Variants in EPRS1 observed in about 807,000 individuals in gnomAD.
EPRS1 encodes the protein bifunctional glutamate/proline--tRNA ligase.
A neutral mutation model predicts 188.3 loss-of-function variants in EPRS1; 107 were observed. The ratio of observed to expected loss-of-function variants is 0.57; its 90% CI spans 0.49 to 0.67. The LOEUF (loss-of-function observed/expected upper bound fraction) is 0.67. EPRS1 is among the 30% of genes least tolerant of loss of function. EPRS1 has a pLI of 0.00. For missense variants in EPRS1, 1,577 were observed against 1,802.2 expected (o/e 0.88, Z 2.26); for synonymous variants, 596 against 593.1 (o/e 1.00, Z -0.07).
At chr1:220,006,849 G>C (rs961148514) in intron 14 of EPRS1, among the ~76,000 whole-genome samples, 9 of 152,120 alleles carry the variant, frequency 5.9e-5, no homozygotes, top group Non-Finnish European at 1.0e-4. Flanking sequence ...GTAAATTTTA[G>C]TAAAAAGATT....
rs1326853328 is a variant in EPRS1, at chr1:219,982,863, T to C, written c.3301-19A>G. ...AAGCAACCTAGTAAGAAAAAATCAT[T>C]TTTCATACTTTTTTTTCAATAGCAT... On this transcript the variant is annotated intron_variant, in intron 22 of 31. Transcript: ENST00000366923. The C allele has an allele frequency of 2.5e-6, 4 of 1,609,910 alleles. No individual in the cohort carries two copies. The highest frequency in any genetic ancestry group is 3.4e-6 in the Non-Finnish European group (4 of 1,176,248).
chr1:220,039,278 A>G (rs189396981), intron 2 of EPRS1, among the ~76,000 whole-genome samples: 30 of 152,100 alleles, frequency 2.0e-4, no homozygotes, highest in African/African-American at 7.0e-4. Flanking sequence ...TAAACCAGTC[A>G]CTCATTTCTG....
intron 6 of EPRS1, among the ~76,000 whole-genome samples, chr1:220,027,753 C>T (rs1378423847): frequency 6.6e-6 from 1 of 152,070 alleles, no homozygotes; most frequent in Non-Finnish European, 1.5e-5. Flanking sequence ...GAGGCCAAGG[C>T]AGGCGGATCA....
intron 26 of EPRS1, 149 bp downstream of exon 26, chr1:219,979,936 T>C: frequency 1.4e-6 from 1 of 713,524 alleles, no homozygotes; most frequent in Non-Finnish European, 2.3e-6. Flanking sequence ...GACAGAGGAA[T>C]GGGATAGATT....
chr1:219,984,079 C>T, intron 21 of EPRS1, 127 bp downstream of exon 21: 1 of 680,800 alleles, frequency 1.5e-6, no homozygotes, highest in Non-Finnish European at 2.7e-6. Context: ...AATGACTACA[C>T]TGTGTATTAT....
intron 12 of EPRS1, among the ~76,000 whole-genome samples, chr1:220,012,456 C>T (rs543717514): frequency 1.3e-5 from 2 of 152,306 alleles, no homozygotes; most frequent in South Asian, 2.1e-4. Context: ...CTATACTTGA[C>T]TAATTTTAAT....
intron 1 of EPRS1, among the ~76,000 whole-genome samples, chr1:220,044,390 A>G (rs1662358913): frequency 6.6e-6 from 1 of 152,178 alleles, no homozygotes; most frequent in South Asian, 2.1e-4. Context: ...AATACACTAC[A>G]GAAACAGGCC....
chr1:220,036,056 C>T (rs757237470), intron 2 of EPRS1, among the ~76,000 whole-genome samples: 2 of 151,974 alleles, frequency 1.3e-5, no homozygotes, highest in Non-Finnish European at 2.9e-5. Context: ...AAAAATTAGC[C>T]GGGTGTGGTG....
chr1:219,980,723 A>G (rs1465290564), intron 25 of EPRS1, 33 bp downstream of exon 25: 5 of 1,456,330 alleles, frequency 3.4e-6, no homozygotes, highest in Non-Finnish European at 4.8e-6. Flanking sequence ...AAAATAATGG[A>G]ACATAGTTAA....
chr1:220,042,487 A>C (rs113943713), intron 1 of EPRS1, among the ~76,000 whole-genome samples: 87 of 141,568 alleles, frequency 6.1e-4, no homozygotes, highest in Non-Finnish European at 6.5e-4. Flanking sequence ...CCCATCTCCC[A>C]AAAAAAAAAA....
Position 219,979,623 on chromosome 1 carries a change from A to ATTTT in EPRS1, c.3712-9_3712-8insAAAA, listed in dbSNP as rs1439090195. The stretch of plus-strand genomic sequence containing the variant: ...ATGATGTGATGTTCCTCCCTAAAAT[A>ATTTT]GAGAGAGAAAAATAAGCTTCATTTT... On this transcript the variant is annotated splice_polypyrimidine_tract_variant and intron_variant, in intron 26 of 31. Transcript: ENST00000366923. The ATTTT allele has an allele frequency of 6.3e-7, 1 of 1,590,990 alleles. No homozygotes were observed. The highest frequency in any genetic ancestry group is 1.7e-5 in the Admixed American group (1 of 59,642).
chr1:220,007,324 G>C lies in EPRS1; in HGVS notation c.1620C>G (p.Gly540=), dbSNP rs1028997084. Residue 540 remains glycine, a synonymous_variant, in exon 14 of 32, where the codon GGC becomes GGG. Transcript: ENST00000366923. The stretch of plus-strand genomic sequence containing the variant: ...TGGGACTATACCACACAGGCTTCAA[G>C]CCAACCTCAGGATTCTGATTGATAA... The part of the protein sequence containing the change: ...VAKHPKNPEV[G]LKPVWYSPKV... 3 of 1,610,074 alleles carry C rather than the reference G, an allele frequency of 1.9e-6. No homozygotes were observed. The African/African-American group carries it at 4.0e-5, about 22-fold the overall frequency.
At chr1:220,008,132 A>C (rs903863253) in intron 13 of EPRS1, among the ~76,000 whole-genome samples, 4 of 126,078 alleles carry the variant, frequency 3.2e-5, no homozygotes, top group Non-Finnish European at 6.8e-5. Context: ...AAAAAAAAAA[A>C]AAAGATAAAA....
intron 23 of EPRS1, among the ~76,000 whole-genome samples, chr1:219,982,317 C>T (rs1385339511): frequency 6.6e-6 from 1 of 152,148 alleles, no homozygotes; most frequent in Non-Finnish European, 1.5e-5. Context: ...GTAACTTTCC[C>T]TGCCTTCCTC....
chr1:220,030,518 T>C lies in EPRS1; in HGVS notation c.529-38A>G, dbSNP rs773701358. 4.1e-6 allele frequency: 6 copies of C among 1,469,724 alleles called. No individual in the cohort carries two copies. In the East Asian group the frequency reaches 6.8e-5, roughly 17 times the overall value. The allele number at this position is 1,469,724 out of a possible 1,614,324, so 91.0% of individuals were successfully genotyped here. A position where few individuals can be genotyped will look rare whatever the true frequency, so the allele number is the denominator to read the frequency against. ...ACCACCATCACAACAAAAAGTCTTA[T>C]GGTTAAATGTCTAAGAACACACTCA... On this transcript the variant is annotated intron_variant, in intron 5 of 31. Coordinates refer to ENST00000366923, the MANE Select transcript of EPRS1 (RefSeq NM_004446.3).
At chr1:220,032,256 T>G (rs1571696005) in intron 5 of EPRS1, 131 bp downstream of exon 5, 2 of 524,886 alleles carry the variant, frequency 3.8e-6, no homozygotes, top group Non-Finnish European at 5.6e-6. Context: ...TTTTTTTTTT[T>G]TGTATATTTT....
At chr1:220,030,288 T>A in intron 6 of EPRS1, 98 bp downstream of exon 6, 1 of 731,596 alleles carries the variant, frequency 1.4e-6, no homozygotes, top group East Asian at 2.8e-5. Context: ...TATGTTCTTC[T>A]ATATTATTAA....
In EPRS1 at chr1:219,987,257, G is replaced by A; in HGVS notation, c.2923C>T (p.Gln975Ter). Residue 975 changes from glutamine to a stop codon, truncating the protein, a stop_gained, in exon 20 of 32, where the codon CAG (glutamine) becomes TAG (stop). Coordinates refer to ENST00000366923, the MANE Select transcript of EPRS1 (RefSeq NM_004446.3). LOFTEE classifies it high-confidence loss of function. The stretch of plus-strand genomic sequence containing the variant: ...TCATTTTGTTTCTGAGGCTTATTCT[G>A]CTTTTCAGATTTATTTTCTTTTTCT... ...KKEKENKSEKQNKPQKQNDGQ... is the reference protein window; with the variant it reads ...KKEKENKSEK 6.2e-7 allele frequency: 1 copy of A among 1,613,962 alleles called. No individual in the cohort carries two copies.
At chr1:220,029,217 T>C (rs1232426584) in intron 6 of EPRS1, among the ~76,000 whole-genome samples, 1 of 152,102 alleles carries the variant, frequency 6.6e-6, no homozygotes, top group African/African-American at 2.4e-5. Context: ...GAACCCAAGA[T>C]GTCTATAGAT....
Sources: gnomAD v4.1 joint callset for allele counts (sites outside exome capture counted in the v4.1 genomes callset) on GRCh38, gnomAD v4.1.1 for gene constraint, MANE v1.5 for transcripts, NCBI Gene and HGNC (gene_info 2026-07-23, HGNC 2026-07-21) for gene names.